The following SGCZ variants were observed in gnomAD, a reference collection of about 807,000 sequenced individuals.
The protein encoded by SGCZ is sarcoglycan zeta, also known as zeta-sarcoglycan.
In SGCZ, 40 loss-of-function variants were observed where a neutral mutation model predicts 41.3. The ratio of observed to expected loss-of-function variants is 0.97; its 90% CI spans 0.75 to 1.26. The LOEUF is 1.26. Among genes scored for constraint, SGCZ ranks in the 50% most tolerant of loss-of-function variants. The pLI is 0.00. For synonymous variants in SGCZ, 206 were observed against 137.5 expected, an observed-to-expected ratio of 1.50 and a Z score of -3.49; for missense variants, 552 against 369.8, an observed-to-expected ratio of 1.49 and a Z score of -4.04.
intron 4 of SGCZ, among the ~76,000 whole-genome samples, chr8:14,227,976 G>T (rs1200132116): frequency 6.6e-6 from 1 of 152,002 alleles, no homozygotes; most frequent in Non-Finnish European, 1.5e-5. Flanking sequence ...AATTAGTATT[G>T]TTGTGCAGTC....
chr8:14,594,319 T>C (rs1468094718), intron 1 of SGCZ, among the ~76,000 whole-genome samples: 1 of 152,046 alleles, frequency 6.6e-6, no homozygotes, highest in East Asian at 1.9e-4. Flanking sequence ...GGGATGATGT[T>C]GATGCTACTG....
At chr8:15,005,035 T>C (rs1057434127) in intron 1 of SGCZ, among the ~76,000 whole-genome samples, 1 of 152,186 alleles carries the variant, frequency 6.6e-6, no homozygotes, top group African/African-American at 2.4e-5. Context: ...TGATGTTCTA[T>C]ACTCTGCTCT....
intron 6 of SGCZ, among the ~76,000 whole-genome samples, chr8:14,105,202 T>G (rs1802165427): frequency 6.6e-6 from 1 of 151,972 alleles, no homozygotes; most frequent in Non-Finnish European, 1.5e-5. Context: ...AATCCACAGT[T>G]TTAAAATGCA....
At chr8:14,160,867 A>T (rs1804024655) in intron 5 of SGCZ, among the ~76,000 whole-genome samples, 1 of 152,218 alleles carries the variant, frequency 6.6e-6, no homozygotes. Flanking sequence ...ATATACAGAC[A>T]CATCCCTTGT....
chr8:14,234,931 C>G (rs1806701594), intron 4 of SGCZ, among the ~76,000 whole-genome samples: 1 of 152,248 alleles, frequency 6.6e-6, no homozygotes, highest in East Asian at 1.9e-4. Context: ...CACACAGATA[C>G]ACTGAATAGA....
chr8:15,142,009 A>G (rs2116998944), intron 1 of SGCZ, among the ~76,000 whole-genome samples: 1 of 152,340 alleles, frequency 6.6e-6, no homozygotes, highest in East Asian at 1.9e-4. Context: ...CTGCATCAAG[A>G]AAGCTCAATT....
chr8:14,469,346 C>T (rs542304606), intron 2 of SGCZ, among the ~76,000 whole-genome samples: 4 of 151,824 alleles, frequency 2.6e-5, no homozygotes, highest in East Asian at 3.9e-4. Flanking sequence ...ATACAGCTTG[C>T]TCTGGAGATC....
chr8:14,724,418 T>A (rs893255274), intron 1 of SGCZ, among the ~76,000 whole-genome samples: 1 of 152,078 alleles, frequency 6.6e-6, no homozygotes, highest in African/African-American at 2.4e-5. Flanking sequence ...TGAGCTTTCA[T>A]GGTATACTGC....
rs145975215 is a variant in SGCZ, at chr8:14,254,512, G to C, written c.337-16833C>G. On this transcript the variant is annotated intron_variant, in intron 3 of 7. Transcript: ENST00000382080. ...AAATAAGTGAAGCAGTAAATGAAAT[G>C]AATGAATAGTGTTAAAAAAGATTTT... is the stretch of plus-strand genomic sequence containing the variant. 4.2e-3 allele frequency among the ~76,000 whole-genome samples: 633 copies of C among 152,230 alleles called. 6 individuals are homozygous for C. The highest frequency in any genetic ancestry group is 0.014 in the African/African-American group (567 of 41,540).
chr8:14,946,754 C>T (rs1716776560), intron 1 of SGCZ, among the ~76,000 whole-genome samples: 1 of 150,444 alleles, frequency 6.6e-6, no homozygotes, highest in African/African-American at 2.4e-5. Context: ...CAGCTCACTG[C>T]AACCTCCACC....
intron 3 of SGCZ, among the ~76,000 whole-genome samples, chr8:14,275,786 C>G (rs989494767): frequency 1.3e-5 from 2 of 152,118 alleles, no homozygotes; most frequent in African/African-American, 4.8e-5. Flanking sequence ...CTGCTGGTGG[C>G]TGAAGGCTGG....
intron 1 of SGCZ, among the ~76,000 whole-genome samples, chr8:14,679,703 G>C (rs991852026): frequency 2.0e-5 from 3 of 151,816 alleles, no homozygotes; most frequent in Admixed American, 6.6e-5. Context: ...TAAATTTAGT[G>C]TAGCCTAAGG....
At chr8:14,731,054 TA>T (rs1425143625) in intron 1 of SGCZ, among the ~76,000 whole-genome samples, 2 of 151,724 alleles carry the variant, frequency 1.3e-5, no homozygotes, top group Non-Finnish European at 1.5e-5. Context: ...CAAAGGATGA[TA>T]AATAATTCTA....
intron 5 of SGCZ, among the ~76,000 whole-genome samples, chr8:14,127,427 T>A (rs1489126679): frequency 6.6e-6 from 1 of 152,136 alleles, no homozygotes; most frequent in Non-Finnish European, 1.5e-5. Flanking sequence ...TTAATTTTAA[T>A]ATTGTGATTT....
At chr8:14,811,825 G>T (rs554841289) in intron 1 of SGCZ, among the ~76,000 whole-genome samples, 1 of 152,014 alleles carries the variant, frequency 6.6e-6, no homozygotes, top group African/African-American at 2.4e-5. Context: ...AGATCAAATA[G>T]AATCTTGGAA....
At chr8:14,790,414 C>G (rs1554500030) in intron 1 of SGCZ, among the ~76,000 whole-genome samples, 2 of 152,096 alleles carry the variant, frequency 1.3e-5, no homozygotes, top group Non-Finnish European at 2.9e-5. Context: ...CAAATGTACA[C>G]TGTATTTCAG....
chr8:14,908,833 T>C lies in SGCZ; in HGVS notation c.39+328752A>G, dbSNP rs76639690. 4.2e-4 allele frequency among the ~76,000 whole-genome samples: 64 copies of C among 152,156 alleles called. 1 individual carries two copies. In the East Asian group the frequency reaches 0.011, roughly 26 times the overall value. On this transcript the variant is annotated intron_variant, in intron 1 of 7. Transcript: ENST00000382080. ...TATGTCAGAGATACAAAGTTTCTGA[T>C]ATTCTGAATTCCTAGAATTCTTACT...
intron 1 of SGCZ, among the ~76,000 whole-genome samples, chr8:14,792,510 A>G (rs1447769067): frequency 5.3e-5 from 8 of 152,074 alleles, no homozygotes; most frequent in South Asian, 2.1e-4. Context: ...GTAAAATCCA[A>G]TAATCACTTG....
At chr8:15,223,856 T>TTTTA (rs35421677) in intron 1 of SGCZ, among the ~76,000 whole-genome samples, 65,955 of 149,656 alleles carry the variant, frequency 0.44, 14,661 homozygotes, top group South Asian at 0.59. Flanking sequence ...CTTTTTAAAT[T>TTTTA]TTTATTTATT....
Sources: allele counts gnomAD v4.1 joint callset (sites outside exome capture counted in the v4.1 genomes callset), GRCh38; gene constraint gnomAD v4.1.1; transcripts MANE v1.5; gene names NCBI Gene and HGNC (gene_info 2026-07-23, HGNC 2026-07-21).